Variants in SPECC1 observed in about 807,000 individuals in gnomAD.
SPECC1 encodes the protein sperm antigen with calponin homology and coiled-coil domains 1, also known as cytospin-B.
A neutral mutation model predicts 104.1 loss-of-function variants in SPECC1; 62 were observed. That is an observed-to-expected ratio of 0.60 (90% CI 0.49 to 0.74). The LOEUF (loss-of-function observed/expected upper bound fraction) is 0.74. SPECC1 is among the 30% of genes least tolerant of loss of function. The pLI is 0.00. For synonymous variants in SPECC1, 513 were observed against 501.6 expected, an observed-to-expected ratio of 1.02 and a Z score of -0.30; for missense variants, 1,306 against 1,310.5, an observed-to-expected ratio of 1.00 and a Z score of 0.05.
intron 10 of SPECC1, among the ~76,000 whole-genome samples, chr17:20,255,727 G>C (rs1448610289): frequency 6.6e-6 from 1 of 152,110 alleles, no homozygotes; most frequent in Non-Finnish European, 1.5e-5. Context: ...ACCATGCCTG[G>C]CTAATTACAA....
intron 1 of SPECC1, among the ~76,000 whole-genome samples, chr17:20,069,552 T>C (rs1032012099): frequency 6.6e-6 from 1 of 152,198 alleles, no homozygotes; most frequent in Non-Finnish European, 1.5e-5. Context: ...TTCTTTTATA[T>C]GTGGATATCC....
rs1238925787 is a variant in SPECC1 at position 20,205,883 on chromosome 17, A to AT, written c.1836dup (p.Lys613Ter). 3 of 1,612,516 alleles carry AT rather than the reference A, an allele frequency of 1.9e-6. No homozygotes were observed. The highest frequency in any genetic ancestry group is 2.5e-6 in the Non-Finnish European group (3 of 1,179,760). ...AGAATTACTAAAGGCAAACGGTGAA[A>AT]TTAAACATGTTTCCAGTCTGCTGGC... On this transcript the variant is annotated frameshift_variant, in exon 4 of 15. Coordinates refer to ENST00000395527, the MANE Select transcript of SPECC1 (RefSeq NM_001243439.2). LOFTEE classifies it high-confidence loss of function.
intron 3 of SPECC1, among the ~76,000 whole-genome samples, chr17:20,119,079 T>C (rs2048900651): frequency 6.6e-6 from 1 of 152,246 alleles, no homozygotes; most frequent in African/African-American, 2.4e-5. Flanking sequence ...GAAAAAGGTC[T>C]GTGAATAATT....
At chr17:20,261,210 T>C (rs986521629) in intron 12 of SPECC1, among the ~76,000 whole-genome samples, 2 of 152,064 alleles carry the variant, frequency 1.3e-5, no homozygotes, top group Admixed American at 6.6e-5. Context: ...CCCTGCTGTC[T>C]CAGAAGAAGA....
intron 13 of SPECC1, among the ~76,000 whole-genome samples, chr17:20,299,608 T>C (rs1198986019): frequency 7.5e-6 from 1 of 133,078 alleles, no homozygotes; most frequent in Admixed American, 7.5e-5. Context: ...CACAGAAACA[T>C]CTAGAATAAT....
chr17:20,139,743 C>T (rs563155332), intron 3 of SPECC1, among the ~76,000 whole-genome samples: 8 of 152,290 alleles, frequency 5.3e-5, no homozygotes, highest in African/African-American at 1.4e-4. Flanking sequence ...TGCGCAATCT[C>T]GGCTCACTGC....
intron 3 of SPECC1, among the ~76,000 whole-genome samples, chr17:20,194,502 A>ATTTTTTTTTTTTTTTTT (rs1209589252): frequency 1.8e-4 from 16 of 86,566 alleles, no homozygotes; most frequent in African/African-American, 5.3e-4. Context: ...AAGAGAACGA[A>ATTTTTTTTTTTTTTTTT]TTTTTTTTTT....
rs34012069 is a variant in SPECC1 at position 20,203,279 on chromosome 17, T to TA, written c.284-1036dup. ...ACTCATCAAATAGTCTTTCAGTTTG[T>TA]AAAAAAAAAAAAAAAAAAGTCCAGG... On this transcript the variant is annotated intron_variant, in intron 3 of 14. Coordinates refer to ENST00000395527, the MANE Select transcript of SPECC1 (RefSeq NM_001243439.2). Among the ~76,000 whole-genome samples, 415 of 138,498 alleles carry TA rather than the reference T, an allele frequency of 3.0e-3. 4 individuals are homozygous for TA. The highest frequency in any genetic ancestry group is 0.017 in the South Asian group (72 of 4,210). 90.9% of individuals were successfully genotyped at this position (138,498 alleles called of 152,430 possible).
chr17:20,178,305 T>C (rs2034617694), intron 3 of SPECC1, among the ~76,000 whole-genome samples: 1 of 152,196 alleles, frequency 6.6e-6, no homozygotes, highest in African/African-American at 2.4e-5. Context: ...GGTAGAAATG[T>C]TCCCGTGTCT....
chr17:20,207,940 G>A (rs1364141322), intron 4 of SPECC1, among the ~76,000 whole-genome samples: 2 of 151,686 alleles, frequency 1.3e-5, no homozygotes, highest in Admixed American at 1.3e-4. Flanking sequence ...CTTATTTTTT[G>A]TACATTTTGG....
chr17:20,296,837 A>T, intron 12 of SPECC1, 124 bp from the exon 13 acceptor site: 2 of 825,080 alleles, frequency 2.4e-6, no homozygotes, highest in South Asian at 1.6e-5. Flanking sequence ...ATTGGTGTAT[A>T]GGAATGCTTG....
chr17:20,298,946 A>AGTGT (rs1199023279), intron 13 of SPECC1, among the ~76,000 whole-genome samples: 43 of 45,782 alleles, frequency 9.4e-4, no homozygotes, highest in African/African-American at 4.8e-3. Context: ...AGAGAGAGAG[A>AGTGT]GAGTGTGTGT....
At chr17:20,183,262 T>C (rs1325066199) in intron 3 of SPECC1, among the ~76,000 whole-genome samples, 1 of 152,198 alleles carries the variant, frequency 6.6e-6, no homozygotes, top group Non-Finnish European at 1.5e-5. Context: ...TGTCTACCCC[T>C]GTGGTGTGTG....
intron 12 of SPECC1, among the ~76,000 whole-genome samples, chr17:20,283,542 C>G (rs1174825872): frequency 2.0e-5 from 3 of 152,132 alleles, no homozygotes; most frequent in Non-Finnish European, 4.4e-5. Context: ...TGTATTTCCT[C>G]TTCAGTACAT....
At chr17:20,052,890 A>G (rs867661453) in intron 1 of SPECC1, among the ~76,000 whole-genome samples, 12 of 152,226 alleles carry the variant, frequency 7.9e-5, no homozygotes, top group African/African-American at 2.9e-4. Flanking sequence ...GTGAGGTCAC[A>G]TCTATATTCC....
intron 1 of SPECC1, among the ~76,000 whole-genome samples, chr17:20,055,421 A>G (rs1037404709): frequency 6.6e-6 from 1 of 152,094 alleles, no homozygotes; most frequent in Non-Finnish European, 1.5e-5. Context: ...GCTCCATTTT[A>G]CATTCTCATA....
At chr17:20,283,319 C>T (rs1364667585) in intron 12 of SPECC1, among the ~76,000 whole-genome samples, 1 of 152,198 alleles carries the variant, frequency 6.6e-6, no homozygotes, top group Non-Finnish European at 1.5e-5. Context: ...GTGACTTGCC[C>T]TTTGCAGCAA....
intron 7 of SPECC1, among the ~76,000 whole-genome samples, chr17:20,233,589 G>T (rs2038730673): frequency 6.6e-6 from 1 of 152,078 alleles, no homozygotes; most frequent in Admixed American, 6.5e-5. Context: ...GCCCAGGCTG[G>T]ACTCGAACTA....
chr17:20,209,659 T>A (rs187515055), intron 4 of SPECC1, among the ~76,000 whole-genome samples: 46 of 152,320 alleles, frequency 3.0e-4, no homozygotes, highest in African/African-American at 1.1e-3. Flanking sequence ...TGTAGTCACA[T>A]GACATACTTC....
Sources: allele counts gnomAD v4.1 joint callset (sites outside exome capture counted in the v4.1 genomes callset), GRCh38; gene constraint gnomAD v4.1.1; transcripts MANE v1.5; gene names NCBI Gene and HGNC (gene_info 2026-07-23, HGNC 2026-07-21).